Variants in SLC14A2 observed in about 807,000 individuals in gnomAD.
The protein encoded by SLC14A2 is solute carrier family 14 member 2.
A neutral mutation model predicts 104.6 loss-of-function variants in SLC14A2; 91 were observed. The observed-to-expected ratio is 0.87, with a 90% confidence interval of 0.73 to 1.04. The LOEUF (loss-of-function observed/expected upper bound fraction) is 1.04. Ranked by LOEUF, SLC14A2 falls within the 50% of genes least tolerant of loss-of-function variation. SLC14A2 has a pLI of 0.00. For missense variants in SLC14A2, 1,189 were observed against 1,156.0 expected (o/e 1.03, Z -0.41); for synonymous variants, 476 against 466.4 (o/e 1.02, Z -0.27).
chr18:45,514,625 C>T (rs1050953965), intron 2 of SLC14A2, among the ~76,000 whole-genome samples: 15 of 152,138 alleles, frequency 9.9e-5, no homozygotes, highest in African/African-American at 3.6e-4. Context: ...CTAACGTAGA[C>T]CTGACCTATA....
At chr18:45,383,988 A>G (rs147770828) in intron 1 of SLC14A2, among the ~76,000 whole-genome samples, 119 of 152,282 alleles carry the variant, frequency 7.8e-4, no homozygotes, top group Non-Finnish European at 1.3e-3. Flanking sequence ...AATATCAAGG[A>G]TAAATCCCCA....
chr18:45,570,172 C>G (rs142472256), intron 2 of SLC14A2, among the ~76,000 whole-genome samples: 1 of 152,166 alleles, frequency 6.6e-6, no homozygotes, highest in Non-Finnish European at 1.5e-5. Flanking sequence ...GGATGAAGAA[C>G]ACAGCCCTCT....
intron 1 of SLC14A2, among the ~76,000 whole-genome samples, chr18:45,388,933 A>G (rs564555104): frequency 3.3e-5 from 5 of 152,360 alleles, no homozygotes; most frequent in Admixed American, 3.3e-4. Flanking sequence ...AAGATTTTAA[A>G]ATATTGAATA....
the SLC14A2 span, among the ~76,000 whole-genome samples, chr18:45,190,285 C>T: frequency 1.3e-5 from 2 of 152,160 alleles, no homozygotes; most frequent in Non-Finnish European, 2.9e-5. Flanking sequence ...TATTAAACTA[C>T]AAAAGTTCTC....
At chr18:45,319,129 T>C (rs949166558) in intron 1 of SLC14A2, among the ~76,000 whole-genome samples, 1 of 152,130 alleles carries the variant, frequency 6.6e-6, no homozygotes, top group Non-Finnish European at 1.5e-5. Flanking sequence ...TCACCTCCAG[T>C]TTCTCCATGA....
At chr18:45,257,204 AT>A (rs1259123849) in intron 1 of SLC14A2, among the ~76,000 whole-genome samples, 1 of 152,252 alleles carries the variant, frequency 6.6e-6, no homozygotes, top group Admixed American at 6.5e-5. Flanking sequence ...GGAAGTGAAC[AT>A]TAAACTGATC....
chr18:45,456,052 G>T (rs1236935261), intron 1 of SLC14A2, among the ~76,000 whole-genome samples: 1 of 152,058 alleles, frequency 6.6e-6, no homozygotes, highest in African/African-American at 2.4e-5. Flanking sequence ...TTTTGGTTTG[G>T]GTAACTCTTT....
chr18:45,636,521 A>G (rs2045418800), intron 5 of SLC14A2, among the ~76,000 whole-genome samples: 1 of 152,224 alleles, frequency 6.6e-6, no homozygotes, highest in Non-Finnish European at 1.5e-5. Flanking sequence ...TGCTGAAACT[A>G]GACCTGCAAA....
chr18:45,452,075 G>A (rs927796889), intron 1 of SLC14A2, among the ~76,000 whole-genome samples: 1 of 151,806 alleles, frequency 6.6e-6, no homozygotes, highest in African/African-American at 2.4e-5. Context: ...GACAGCTGGG[G>A]GGATATCTGG....
chr18:45,427,590 A>G (rs60898607), intron 1 of SLC14A2, among the ~76,000 whole-genome samples: 3,411 of 152,214 alleles, frequency 0.022, 139 homozygotes, highest in African/African-American at 0.078. Context: ...GTCCCACCCC[A>G]TTCACTGATC....
intron 1 of SLC14A2, among the ~76,000 whole-genome samples, chr18:45,272,164 C>T (rs1465737063): frequency 6.6e-6 from 1 of 151,950 alleles, no homozygotes; most frequent in Non-Finnish European, 1.5e-5. Flanking sequence ...TTAGTACAAC[C>T]ACTATGAAGA....
chr18:45,217,698 C>T (rs988010090), intron 1 of SLC14A2, among the ~76,000 whole-genome samples: 2 of 152,116 alleles, frequency 1.3e-5, no homozygotes, highest in African/African-American at 4.8e-5. Context: ...GGGATAACAG[C>T]ATTTTGTGTT....
chr18:45,680,596 T>C (rs1176605030), intron 19 of SLC14A2, among the ~76,000 whole-genome samples: 1 of 152,236 alleles, frequency 6.6e-6, no homozygotes, highest in Non-Finnish European at 1.5e-5. Context: ...AAGTGGCACA[T>C]GTATATACAA....
the SLC14A2 span, among the ~76,000 whole-genome samples, chr18:45,177,674 C>T: frequency 6.6e-6 from 1 of 152,158 alleles, no homozygotes; most frequent in Non-Finnish European, 1.5e-5. Context: ...ATTACTCTTT[C>T]CCCTCACAAT....
At chr18:45,674,607 C>CT (rs2046196143) in intron 18 of SLC14A2, among the ~76,000 whole-genome samples, 1 of 150,030 alleles carries the variant, frequency 6.7e-6, no homozygotes. Context: ...ACTGTAGTTA[C>CT]TTAAAAAAAA....
chr18:45,646,821 AG>A (rs2045634433), intron 10 of SLC14A2: 1 of 152,088 alleles, frequency 6.6e-6, no homozygotes, highest in African/African-American at 2.4e-5. Flanking sequence ...CACCAACATG[AG>A]GTTGCATGGG....
At chr18:45,477,363 C>T (rs1340819553) in intron 1 of SLC14A2, among the ~76,000 whole-genome samples, 4 of 152,138 alleles carry the variant, frequency 2.6e-5, no homozygotes, top group Non-Finnish European at 5.9e-5. Flanking sequence ...ATGCTTTGTC[C>T]CAGGGGGGTA....
Position 45,666,183 on chromosome 18 carries a change from T to A in SLC14A2, c.1521T>A (p.Phe507Leu). 4.3e-6 allele frequency: 7 copies of A among 1,613,844 alleles called. No individual in the cohort carries two copies. The highest frequency in any genetic ancestry group is 5.9e-6 in the Non-Finnish European group (7 of 1,179,818). ...EHQERQNKDP[F>L]PYRYRKPTVE... ...AGGAAAGACAAAACAAAGACCCATTTCCCTATCGATACCGGAAGCCCACAG... is the reference window on the plus strand; with the variant it reads ...AGGAAAGACAAAACAAAGACCCATTACCCTATCGATACCGGAAGCCCACAG... Residue 507 changes from phenylalanine to leucine, a missense_variant, in exon 12 of 20, where the codon TTT becomes TTA. Physicochemically the swap from Phe to Leu is conservative, Grantham distance 22. Transcript: ENST00000255226.
chr18:45,641,384 A>G (rs760601835), intron 8 of SLC14A2, 41 bp downstream of exon 8: 1 of 1,610,932 alleles, frequency 6.2e-7, no homozygotes, highest in Non-Finnish European at 8.5e-7. Context: ...TATTCTGGCT[A>G]TTCCTTCCCC....
Sources: gnomAD v4.1 joint callset for allele counts (sites outside exome capture counted in the v4.1 genomes callset) on GRCh38, gnomAD v4.1.1 for gene constraint, MANE v1.5 for transcripts, NCBI Gene and HGNC (gene_info 2026-07-23, HGNC 2026-07-21) for gene names.